The following DNHD1 variants were observed in gnomAD, a reference collection of about 807,000 sequenced individuals.
DNHD1 encodes the protein dynein heavy chain domain-containing protein 1.
A neutral mutation model predicts 458.1 loss-of-function variants in DNHD1; 383 were observed. The observed-to-expected ratio is 0.84, with a 90% CI of 0.77 to 0.91. The LOEUF is 0.91. DNHD1 is among the 40% of genes least tolerant of loss of function. DNHD1 has a pLI of 0.00. For missense variants in DNHD1, 5,336 were observed against 5,866.1 expected, an observed-to-expected ratio of 0.91 and a Z score of 2.95; for synonymous variants, 2,203 against 2,376.9, an observed-to-expected ratio of 0.93 and a Z score of 2.13.
intron 16 of DNHD1, 77 bp downstream of exon 16, chr11:6,538,887 C>A: frequency 7.6e-7 from 1 of 1,316,492 alleles, no homozygotes; most frequent in Non-Finnish European, 1.0e-6. Context: ...CAGTTTCCTG[C>A]TGCTCCTGCT....
chr11:6,570,471 C>G, intron 41 of DNHD1, 75 bp downstream of exon 41: 1 of 1,507,472 alleles, frequency 6.6e-7, no homozygotes, highest in Non-Finnish European at 8.9e-7. Flanking sequence ...GAAATGTGGA[C>G]AGCAGTCTCA....
At chr11:6,528,434 TGTAC>T (rs761439305) in intron 10 of DNHD1, 84 bp from the exon 11 acceptor site, 1,546 of 1,303,534 alleles carry the variant, frequency 1.2e-3, no homozygotes, top group Middle Eastern at 2.2e-3. Context: ...TGTGTGTGTG[TGTAC>T]ACACACTGAG....
rs185654138 is a variant in DNHD1, at chr11:6,547,937, G to T, written c.6802G>T (p.Val2268Phe). The T allele has an allele frequency of 5.8e-6, 9 of 1,551,872 alleles. No individual in the cohort carries two copies. In the African/African-American group the frequency reaches 6.8e-5, roughly 12 times the overall value. ...AAGCAGCTTTCTAAACCGGTCCCAG[G>T]TTGACAGTGACGATGTGCCAGATAA... Reference protein sequence around the residue: ...SKSSFLNRSQVDSDDVPDKCR... With the variant: ...SKSSFLNRSQFDSDDVPDKCR... The change falls in exon 22 of 43, where the codon GTT becomes TTT. Residue 2268 changes from valine to phenylalanine, a missense_variant. Around this residue, in one of 4 missense-constraint regions of DNHD1, gnomAD observed 3,932 missense variants for 4,365.6 expected, o/e 0.90. Coordinates refer to ENST00000254579, the MANE Select transcript of DNHD1 (RefSeq NM_144666.3).
Position 6,570,745 on chromosome 11 carries a change from C to G in DNHD1, c.13233C>G (p.Arg4411=). The part of the protein sequence containing the change: ...PQAWLLRRQS[R]ALLSALQRSS... Reference sequence around the variant, plus strand: ...CCTGGCTGTTGCGACGCCAGAGTCGCGCTCTCTTGAGTGCGCTGCAGCGGA... The same window carrying G: ...CCTGGCTGTTGCGACGCCAGAGTCGGGCTCTCTTGAGTGCGCTGCAGCGGA... The change falls in exon 42 of 43, where the codon CGC becomes CGG. Residue 4411 remains arginine (R), a synonymous_variant. Transcript: ENST00000254579. The G allele has an allele frequency of 6.2e-7, 1 of 1,611,666 alleles. No individual in the cohort carries two copies. Among genetic ancestry groups the G allele is most frequent in the Non-Finnish European group, 8.5e-7 (1 of 1,178,942 alleles).
chr11:6,571,223 G>T lies in DNHD1; in HGVS notation c.13711G>T (p.Asp4571Tyr). The change falls in exon 42 of 43, where the codon GAC (aspartate) becomes TAC (tyrosine). Residue 4571 changes from aspartate (D) to tyrosine (Y), a missense_variant. Around this residue, in one of 4 missense-constraint regions of DNHD1, gnomAD observed 698 missense variants for 664.9 expected, o/e 1.05. Transcript: ENST00000254579. This position sits in a 1 kb window ranked among gnomAD's most constrained non-coding sequence, Gnocchi z 5.0. ...LLVRYLGVGA[D>Y]ASSDVPERVF... ...GGTTCGTTACTTGGGCGTGGGCGCG[G>T]ACGCGAGCAGTGATGTACCAGAGCG... The T allele has an allele frequency of 6.2e-7, 1 of 1,611,298 alleles. No individual in the cohort carries two copies. The highest frequency in any genetic ancestry group is 8.5e-7 in the Non-Finnish European group (1 of 1,178,970).
At chr11:6,511,886 G>A (rs1186295071) in intron 7 of DNHD1, among the ~76,000 whole-genome samples, 1 of 152,164 alleles carries the variant, frequency 6.6e-6, no homozygotes, top group Admixed American at 6.5e-5. Flanking sequence ...CACAACCCCT[G>A]CCTAGAGTTC....
In DNHD1 at chr11:6,548,416, A is replaced by C. The variant is rs1564817104; in HGVS notation, c.7098+14A>C. ...CCTTCTATCCAGGTGTGAGGACAGT[A>C]AGGCAAGAGCTGGGGTTAGAACTTC... On this transcript the variant is annotated intron_variant, in intron 23 of 42. Transcript: ENST00000254579. The surrounding 1 kb of genome is among the most constrained non-coding windows in gnomAD (Gnocchi z 4.4). 6.4e-7 allele frequency: 1 copy of C among 1,550,920 alleles called. No homozygotes were observed. The highest frequency in any genetic ancestry group is 2.4e-5 in the East Asian group (1 of 40,904).
intron 28 of DNHD1, 77 bp from the exon 29 acceptor site, chr11:6,562,905 C>G: frequency 6.7e-7 from 1 of 1,482,426 alleles, no homozygotes; most frequent in Non-Finnish European, 9.0e-7. Context: ...TGCTACAGTT[C>G]CAGGATCATA....
At chr11:6,563,239 G>T (rs1393619705) in intron 29 of DNHD1, 108 bp downstream of exon 29, 3 of 1,522,222 alleles carry the variant, frequency 2.0e-6, no homozygotes, top group South Asian at 2.4e-5. Context: ...GGAATCTCCT[G>T]GGGGGAGGGG....
chr11:6,552,442 TGAACCTGGGAG>T (rs1853375878), intron 24 of DNHD1, among the ~76,000 whole-genome samples: 1 of 152,032 alleles, frequency 6.6e-6, no homozygotes, highest in Non-Finnish European at 1.5e-5. Flanking sequence ...GAGAATCGCT[TGAACCTGGGAG>T]GCAGAGGTTG....
chr11:6,558,871 C>G, intron 26 of DNHD1, 31 bp from the exon 27 acceptor site: 1 of 1,549,944 alleles, frequency 6.5e-7, no homozygotes, highest in Non-Finnish European at 8.7e-7. Context: ...TACAAGCTCA[C>G]AGAGTGAGGC....
In DNHD1 at chr11:6,564,040, T is replaced by C; in HGVS notation, c.10200T>C (p.Ser3400=). The change falls in exon 31 of 43, where the codon AGT becomes AGC. Residue 3400 remains serine (S), a synonymous_variant. Coordinates refer to ENST00000254579, the MANE Select transcript of DNHD1 (RefSeq NM_144666.3). ...ACAACTGCGTGGCAAAGACCCTCAGTCAAGCACAGTGTGGGCAGTATCACA... is the reference window on the plus strand; with the variant it reads ...ACAACTGCGTGGCAAAGACCCTCAGCCAAGCACAGTGTGGGCAGTATCACA... ...ASHNCVAKTL[S]QAQCGQYHKW... The C allele has an allele frequency of 6.4e-7, 1 of 1,551,672 alleles. No individual in the cohort carries two copies. Among genetic ancestry groups the C allele is most frequent in the Non-Finnish European group, 8.7e-7 (1 of 1,146,984 alleles).
intron 24 of DNHD1, among the ~76,000 whole-genome samples, chr11:6,551,739 G>C (rs1381636687): frequency 2.0e-5 from 3 of 152,126 alleles, no homozygotes; most frequent in Admixed American, 1.3e-4. Flanking sequence ...TCAGGAGATG[G>C]AGACCATCCT....
intron 6 of DNHD1, among the ~76,000 whole-genome samples, chr11:6,509,589 T>G (rs1276283892): frequency 1.3e-5 from 2 of 152,166 alleles, no homozygotes; most frequent in Non-Finnish European, 2.9e-5. Context: ...CTCCAGGTAA[T>G]TATATATCTT....
Position 6,544,143 on chromosome 11 carries a change from C to T in DNHD1, c.3651C>T (p.Ser1217=). 1 of 1,551,596 alleles carries T rather than the reference C, an allele frequency of 6.4e-7. No homozygotes were observed. Among genetic ancestry groups the T allele is most frequent in the Non-Finnish European group, 8.7e-7 (1 of 1,146,956 alleles). Residue 1217 remains serine, a synonymous_variant, in exon 19 of 43, where the codon TCC becomes TCT. Transcript: ENST00000254579. ...ILSDYSNLQD[S]IQESLQVLSK... is the part of the protein sequence containing the mutation. ...TAGATTACAGCAACCTGCAGGATTC[C>T]ATCCAGGAAAGTCTTCAGGTGTTGT...
rs571690230 is a variant in DNHD1 at position 6,547,929 on chromosome 11, G to A, written c.6794G>A (p.Arg2265Gln). ...TCTTCAAAAAGCAGCTTTCTAAACCGGTCCCAGGTTGACAGTGACGATGTG... is the reference window on the plus strand; with the variant it reads ...TCTTCAAAAAGCAGCTTTCTAAACCAGTCCCAGGTTGACAGTGACGATGTG... ...FRSSKSSFLN[R>Q]SQVDSDDVPD... The change falls in exon 22 of 43, where the codon CGG becomes CAG. Residue 2265 changes from arginine (R) to glutamine (Q), a missense_variant. Coordinates refer to ENST00000254579, the MANE Select transcript of DNHD1 (RefSeq NM_144666.3). The A allele has an allele frequency of 7.7e-6, 12 of 1,551,792 alleles. No homozygotes were observed. In the African/African-American group the frequency reaches 9.6e-5, roughly 12 times the overall value.
chr11:6,545,165 G>A lies in DNHD1; in HGVS notation c.4226G>A (p.Trp1409Ter). The A allele has an allele frequency of 1.3e-6, 2 of 1,552,054 alleles. No individual in the cohort carries two copies. Among genetic ancestry groups the A allele is most frequent in the Non-Finnish European group, 1.7e-6 (2 of 1,147,074 alleles). Residue 1409 changes from tryptophan (W) to a stop codon, truncating the protein, a stop_gained, in exon 21 of 43, where the codon TGG becomes TAG. Coordinates refer to ENST00000254579, the MANE Select transcript of DNHD1 (RefSeq NM_144666.3). LOFTEE classifies it high-confidence loss of function. The surrounding 1 kb of genome is among the most constrained non-coding windows in gnomAD (Gnocchi z 4.9). ...ACTGGTGAGAAAAACACAGATGACT[G>A]GGAGTCAAGCCCAAACACACAGACT... ...CPTGEKNTDD[W>*]ESSPNTQTQV...
At position 6,571,809 on chromosome 11, in the gene DNHD1, C is replaced by A. The variant is rs1454791014; in HGVS notation, c.14085C>A (p.Asp4695Glu). 1 of 1,613,906 alleles carries A rather than the reference C, an allele frequency of 6.2e-7. No individual in the cohort carries two copies. The highest frequency in any genetic ancestry group is 8.5e-7 in the Non-Finnish European group (1 of 1,179,906). ...SISTQAPGTSDLPAPADLTVY... is the reference protein window; with the variant it reads ...SISTQAPGTSELPAPADLTVY... ...GCACACAGGCCCCGGGCACCAGTGA[C>A]CTGCCAGCCCCAGCCGACCTGACTG... Residue 4695 changes from aspartate (D) to glutamate (E), a missense_variant, in exon 43 of 43, where the codon GAC (aspartate) becomes GAA (glutamate). Asp to Glu is a conservative substitution (Grantham distance 45, BLOSUM62 2). Around this residue, in one of 4 missense-constraint regions of DNHD1, gnomAD observed 698 missense variants for 664.9 expected, o/e 1.05. Coordinates refer to ENST00000254579, the MANE Select transcript of DNHD1 (RefSeq NM_144666.3). The surrounding 1 kb of genome is among the most constrained non-coding windows in gnomAD (Gnocchi z 5.0).
rs1853526297 is a variant in DNHD1, at chr11:6,558,939, C to A, written c.9249C>A (p.Pro3083=). ...WKYPDLQASI[P]SVAKAMALIH... ...ACCCAGACCTCCAGGCCTCAATTCC[C>A]AGTGTGGCCAAAGCCATGGCTCTTA... is the stretch of plus-strand genomic sequence containing the variant. Residue 3083 remains proline (P), a synonymous_variant, in exon 27 of 43, where the codon CCC becomes CCA. Transcript: ENST00000254579. The A allele has an allele frequency of 2.6e-6, 4 of 1,551,714 alleles. No individual in the cohort carries two copies. The East Asian group carries it at 9.8e-5, about 38-fold the overall frequency.
Sources: allele counts gnomAD v4.1 joint callset (sites outside exome capture counted in the v4.1 genomes callset), GRCh38; gene constraint gnomAD v4.1.1; regional missense constraint gnomAD v4.1.1; non-coding constraint Gnocchi (gnomAD v3.1); transcripts MANE v1.5; gene names NCBI Gene and HGNC (gene_info 2026-07-23, HGNC 2026-07-21).